ADAMTS2: variants seen among roughly 807,000 people sequenced by gnomAD.
ADAMTS2 encodes A disintegrin and metalloproteinase with thrombospondin motifs 2.
ADAMTS2 carries 50 observed loss-of-function variants against 123.0 expected under a neutral mutation model. The ratio of observed to expected loss-of-function variants is 0.41; its 90% confidence interval spans 0.32 to 0.51. The LOEUF (loss-of-function observed/expected upper bound fraction) is 0.51, where lower values mean the gene tolerates loss of function less well. Ranked by LOEUF, ADAMTS2 falls within the 20% of genes least tolerant of loss-of-function variation. The pLI is 0.35. For synonymous variants in ADAMTS2, 678 were observed against 695.4 expected (o/e 0.98, Z 0.39); for missense variants, 1,494 against 1,705.2 (o/e 0.88, Z 2.18).
intron 19 of ADAMTS2, among the ~76,000 whole-genome samples, chr5:179,123,618 G>A (rs1463415242): frequency 2.0e-5 from 3 of 152,106 alleles, no homozygotes; most frequent in Non-Finnish European, 2.9e-5. Flanking sequence ...TTGTAAAGAC[G>A]GTGTTTTGCC....
At chr5:179,241,294 C>G (rs1034835944) in intron 3 of ADAMTS2, among the ~76,000 whole-genome samples, 2 of 152,176 alleles carry the variant, frequency 1.3e-5, no homozygotes, top group Non-Finnish European at 2.9e-5. Flanking sequence ...TAGCTGTGTC[C>G]CTCATCGCAG....
chr5:179,130,705 G>A lies in ADAMTS2; in HGVS notation c.2291-607C>T, dbSNP rs1762945503. Among the ~76,000 whole-genome samples the A allele has an allele frequency of 6.6e-6, 1 of 152,150 alleles. No homozygotes were observed. The highest frequency in any genetic ancestry group is 6.5e-5 in the Admixed American group (1 of 15,274). On this transcript the variant is annotated intron_variant, in intron 15 of 21. Transcript: ENST00000251582. This position sits in a 1 kb window ranked among gnomAD's most constrained non-coding sequence, Gnocchi z 4.3. ...CAGGAAGCCCCATGCTCTCTGCAGT[G>A]TGGGGGGTGGCTGCTGCGGGGCAGC...
intron 13 of ADAMTS2, among the ~76,000 whole-genome samples, chr5:179,134,667 C>G (rs1763020768): frequency 6.6e-6 from 1 of 152,176 alleles, no homozygotes; most frequent in Non-Finnish European, 1.5e-5. Flanking sequence ...ATAGCCCAGC[C>G]TCCCGGCCCT....
At chr5:179,127,117 T>C (rs527571554) in intron 17 of ADAMTS2, among the ~76,000 whole-genome samples, 1 of 152,218 alleles carries the variant, frequency 6.6e-6, no homozygotes, top group Admixed American at 6.5e-5. Context: ...ACGGTTACTT[T>C]GGGGTGAGAG....
At chr5:179,226,351 C>T (rs1765285164) in intron 3 of ADAMTS2, among the ~76,000 whole-genome samples, 1 of 151,652 alleles carries the variant, frequency 6.6e-6, no homozygotes, top group Admixed American at 6.6e-5. Flanking sequence ...ACTGCAACCA[C>T]CGCCTCCCGG....
intron 2 of ADAMTS2, among the ~76,000 whole-genome samples, chr5:179,286,300 C>T (rs1168247455): frequency 6.6e-6 from 1 of 151,914 alleles, no homozygotes; most frequent in East Asian, 1.9e-4. Context: ...GAACCTAACA[C>T]CTTTGCACAG....
At chr5:179,150,713 T>G (rs1263478503) in intron 10 of ADAMTS2, among the ~76,000 whole-genome samples, 2 of 152,060 alleles carry the variant, frequency 1.3e-5, no homozygotes, top group African/African-American at 4.8e-5. Flanking sequence ...AATTCCGGAA[T>G]AGGCAACTCT....
intron 4 of ADAMTS2, among the ~76,000 whole-genome samples, chr5:179,203,636 C>T (rs577909082): frequency 1.3e-5 from 2 of 152,164 alleles, no homozygotes; most frequent in East Asian, 1.9e-4. Context: ...AGCCACACTG[C>T]GGCTTCCATC....
chr5:179,344,461 C>A (rs1748942585), intron 1 of ADAMTS2, among the ~76,000 whole-genome samples: 1 of 152,216 alleles, frequency 6.6e-6, no homozygotes, highest in Non-Finnish European at 1.5e-5. Context: ...GGAACCTCCC[C>A]GTGCCCGAAG....
intron 20 of ADAMTS2, 134 bp from the exon 21 acceptor site, chr5:179,121,884 G>T (rs928073949): frequency 8.6e-5 from 49 of 573,052 alleles, no homozygotes; most frequent in Non-Finnish European, 1.2e-4. Context: ...GCGGACAAAG[G>T]GTCCTCCGCT....
chr5:179,247,251 T>C (rs576378379), intron 3 of ADAMTS2, among the ~76,000 whole-genome samples: 1 of 151,842 alleles, frequency 6.6e-6, no homozygotes, highest in African/African-American at 2.4e-5. Context: ...ATAACTGAAA[T>C]AAAAATTTCA....
chr5:179,132,765 G>A lies in ADAMTS2; in HGVS notation c.2209+12C>T. On this transcript the variant is annotated intron_variant, in intron 14 of 21. Coordinates refer to ENST00000251582, the MANE Select transcript of ADAMTS2 (RefSeq NM_014244.5). This position sits in a 1 kb window ranked among gnomAD's most constrained non-coding sequence, Gnocchi z 6.1. ...ATCCAGGCTCCAGGGTGGAGAGCAGGGACCCACTCACCATGCTTCTTGGGT... is the reference window on the plus strand; with the variant it reads ...ATCCAGGCTCCAGGGTGGAGAGCAGAGACCCACTCACCATGCTTCTTGGGT... 2.5e-6 allele frequency: 4 copies of A among 1,614,010 alleles called. No individual in the cohort carries two copies. The highest frequency in any genetic ancestry group is 2.5e-6 in the Non-Finnish European group (3 of 1,179,980).
intron 5 of ADAMTS2, among the ~76,000 whole-genome samples, chr5:179,161,734 G>C (rs753711677): frequency 6.6e-6 from 1 of 152,084 alleles, no homozygotes; most frequent in Non-Finnish European, 1.5e-5. Flanking sequence ...TGACAGATAT[G>C]CTAATTACCC....
At chr5:179,322,697 C>T (rs1757220041) in intron 2 of ADAMTS2, among the ~76,000 whole-genome samples, 1 of 152,234 alleles carries the variant, frequency 6.6e-6, no homozygotes, top group Non-Finnish European at 1.5e-5. Context: ...AGGGCCTCGG[C>T]AGCTCCGCAG....
At chr5:179,182,874 G>A (rs1240277019) in intron 4 of ADAMTS2, among the ~76,000 whole-genome samples, 3 of 152,108 alleles carry the variant, frequency 2.0e-5, no homozygotes, top group Non-Finnish European at 4.4e-5. Context: ...GACCCCCAGT[G>A]ACCCATCTCG....
rs748245637 is a variant in ADAMTS2, at chr5:179,126,059, C to T, written c.2689G>A (p.Ala897Thr). 5.1e-5 allele frequency: 82 copies of T among 1,613,250 alleles called. No homozygotes were observed. In the East Asian group the frequency reaches 1.0e-3, roughly 20 times the overall value. The change falls in exon 18 of 22, where the codon GCC becomes ACC. Residue 897 changes from alanine (A) to threonine (T), a missense_variant. Around this residue, in one of 6 missense-constraint regions of ADAMTS2, gnomAD observed 953 missense variants for 1,124.7 expected, o/e 0.85. Transcript: ENST00000251582. ...CGGATGGCTTTGGGCTTCGAGAGGG[C>T]GGCACAGAAGCCACGGTGTACCATC... is the stretch of plus-strand genomic sequence containing the variant. The part of the protein sequence containing the change: ...HKMVHRGFCA[A>T]LSKPKAIRRA...
intron 6 of ADAMTS2, among the ~76,000 whole-genome samples, chr5:179,156,178 A>T (rs1763466850): frequency 6.6e-6 from 1 of 151,788 alleles, no homozygotes; most frequent in Non-Finnish European, 1.5e-5. Flanking sequence ...GCGCATCTTT[A>T]TGTTTTTCTT....
rs563654911 is a variant in ADAMTS2, at chr5:179,167,344, C to T, written c.976-8465G>A. Among the ~76,000 whole-genome samples the T allele has an allele frequency of 9.2e-5, 14 of 152,116 alleles. No individual in the cohort carries two copies. In the South Asian group the frequency reaches 2.9e-3, roughly 31 times the overall value. The stretch of plus-strand genomic sequence containing the variant: ...GGACGCACCCGGCGCCCAGACTCCG[C>T]GGCCGCACCCGGGCTCCCGGGGCCC... On this transcript the variant is annotated intron_variant, in intron 5 of 21. Transcript: ENST00000251582.
intron 2 of ADAMTS2, among the ~76,000 whole-genome samples, chr5:179,283,249 T>C (rs547378217): frequency 6.6e-6 from 1 of 151,972 alleles, no homozygotes; most frequent in East Asian, 1.9e-4. Flanking sequence ...ATGTAATATA[T>C]AAACTATTCA....
Sources: gnomAD v4.1 joint callset for allele counts (sites outside exome capture counted in the v4.1 genomes callset) on GRCh38, gnomAD v4.1.1 for gene constraint, gnomAD v4.1.1 regional missense constraint, Gnocchi (gnomAD v3.1) non-coding constraint, MANE v1.5 for transcripts, NCBI Gene and HGNC (gene_info 2026-07-23, HGNC 2026-07-21) for gene names.